Variants in SPATA16 observed in about 807,000 individuals in gnomAD.
SPATA16 encodes the protein spermatogenesis associated 16.
A neutral mutation model predicts 63.3 loss-of-function variants in SPATA16; 36 were observed. The ratio of observed to expected loss-of-function variants is 0.57; its 90% CI spans 0.44 to 0.75. SPATA16 has a LOEUF of 0.75. SPATA16 is among the 30% of genes least tolerant of loss of function. The probability of loss-of-function intolerance (pLI) is 0.00; values close to 1 mark genes in which losing one functional copy is unlikely to be tolerated. For synonymous variants in SPATA16, 203 were observed against 216.7 expected (o/e 0.94, Z 0.56); for missense variants, 646 against 679.3 (o/e 0.95, Z 0.54).
intron 1 of SPATA16, among the ~76,000 whole-genome samples, chr3:173,126,213 T>G (rs1341868981): frequency 6.6e-6 from 1 of 152,194 alleles, no homozygotes; most frequent in African/African-American, 2.4e-5. Context: ...GAAAAATCAG[T>G]CTTTTTTGGA....
chr3:172,974,379 G>C (rs187317746), intron 5 of SPATA16, among the ~76,000 whole-genome samples: 5 of 152,120 alleles, frequency 3.3e-5, no homozygotes, highest in Admixed American at 2.0e-4. Flanking sequence ...ACAGTCTCTA[G>C]TCTGTGATGT....
intron 10 of SPATA16, among the ~76,000 whole-genome samples, chr3:172,907,394 C>T (rs1732265762): frequency 6.6e-6 from 1 of 152,154 alleles, no homozygotes; most frequent in African/African-American, 2.4e-5. Flanking sequence ...TAACTCATTT[C>T]CCTACTTCTA....
chr3:173,024,914 T>C (rs914483549), intron 3 of SPATA16, among the ~76,000 whole-genome samples: 2 of 150,796 alleles, frequency 1.3e-5, no homozygotes, highest in South Asian at 4.2e-4. Flanking sequence ...TTACAATAAT[T>C]TTAGCTTTGA....
In SPATA16 at chr3:172,925,261, G is replaced by A. The variant is rs1732701612; in HGVS notation, c.1228+85C>T. The A allele has an allele frequency of 2.0e-6, 3 of 1,464,378 alleles. No individual in the cohort carries two copies. The South Asian group carries it at 3.5e-5, about 17-fold the overall frequency. The allele number at this position is 1,464,378 out of a possible 1,614,324, so 90.7% of individuals were successfully genotyped here. A position where few individuals can be genotyped will look rare whatever the true frequency, so the allele number is the denominator to read the frequency against. ...TAACCCACAAAGAAGATTAGAAGGA[G>A]TTAATTTTAACTCAAACATTTTTTG... On this transcript the variant is annotated intron_variant, in intron 7 of 10. Coordinates refer to ENST00000351008, the MANE Select transcript of SPATA16 (RefSeq NM_031955.6).
In SPATA16 at chr3:172,916,439, A is replaced by G; in HGVS notation, c.1381T>C (p.Tyr461His). ...TGCAGCTGGCTGAGGAGGCTGGCATATTGCAACTTCTCCATCACACCTGAG... is the reference window on the plus strand; with the variant it reads ...TGCAGCTGGCTGAGGAGGCTGGCATGTTGCAACTTCTCCATCACACCTGAG... ...ASSGVMEKLQ[Y>H]ASLLSQLQRV... Residue 461 changes from tyrosine to histidine, a missense_variant, in exon 9 of 11, where the codon TAT becomes CAT. Transcript: ENST00000351008. The G allele has an allele frequency of 1.2e-6, 2 of 1,613,840 alleles. No homozygotes were observed. The highest frequency in any genetic ancestry group is 1.7e-6 in the Non-Finnish European group (2 of 1,179,804).
rs113022496 is a variant in SPATA16, at chr3:173,120,132, G to A, written c.-18-2383C>T. 2.7e-3 allele frequency among the ~76,000 whole-genome samples: 412 copies of A among 152,028 alleles called. 1 individual carries two copies. Among genetic ancestry groups the A allele is most frequent in the African/African-American group, 9.5e-3 (395 of 41,484 alleles). On this transcript the variant is annotated intron_variant, in intron 1 of 10. Coordinates refer to ENST00000351008, the MANE Select transcript of SPATA16 (RefSeq NM_031955.6). ...AGAAAAAAAGAAAGAAACATTGCTGGCATCCAACATCTTTTGGACTGCTAA... is the reference window on the plus strand; with the variant it reads ...AGAAAAAAAGAAAGAAACATTGCTGACATCCAACATCTTTTGGACTGCTAA...
chr3:172,894,460 G>T (rs74282651), intron 10 of SPATA16, among the ~76,000 whole-genome samples: 14,478 of 146,624 alleles, frequency 0.099, 793 homozygotes, highest in African/African-American at 0.15. Flanking sequence ...AAAAATCTGG[G>T]GTACCTACCC....
chr3:173,013,936 G>A (rs1265019627), intron 4 of SPATA16, among the ~76,000 whole-genome samples: 4 of 152,186 alleles, frequency 2.6e-5, no homozygotes, highest in African/African-American at 9.7e-5. Context: ...CTGGGTCTGG[G>A]CTGTGCCTGT....
chr3:173,061,020 A>G (rs1307752073), intron 2 of SPATA16, among the ~76,000 whole-genome samples: 1 of 152,206 alleles, frequency 6.6e-6, no homozygotes, highest in East Asian at 1.9e-4. Flanking sequence ...GCAACTCACC[A>G]CAGTGCTGTT....
chr3:172,932,954 A>G (rs892234142), intron 6 of SPATA16, among the ~76,000 whole-genome samples: 2 of 152,242 alleles, frequency 1.3e-5, no homozygotes, highest in South Asian at 4.2e-4. Context: ...CTTGCAACCC[A>G]CATAAAAACT....
intron 3 of SPATA16, among the ~76,000 whole-genome samples, chr3:173,047,667 GA>G (rs1229866538): frequency 6.6e-6 from 1 of 151,952 alleles, no homozygotes; most frequent in Non-Finnish European, 1.5e-5. Flanking sequence ...TTGACATACT[GA>G]AATACACATT....
At chr3:173,084,826 G>T (rs1737007767) in intron 2 of SPATA16, among the ~76,000 whole-genome samples, 1 of 152,002 alleles carries the variant, frequency 6.6e-6, no homozygotes, top group African/African-American at 2.4e-5. Flanking sequence ...ATCAGATGTT[G>T]TACATATGTG....
intron 4 of SPATA16, among the ~76,000 whole-genome samples, chr3:172,990,923 G>A (rs1156849020): frequency 6.6e-6 from 1 of 152,056 alleles, no homozygotes. Flanking sequence ...TGCTTGACTA[G>A]CAATAAAAAT....
chr3:172,976,307 T>A (rs1187848580), intron 5 of SPATA16, among the ~76,000 whole-genome samples: 1 of 152,034 alleles, frequency 6.6e-6, no homozygotes, highest in Non-Finnish European at 1.5e-5. Context: ...GAGCTCTTCA[T>A]TTTGGATATA....
chr3:173,047,121 A>G (rs1453005373), intron 3 of SPATA16, among the ~76,000 whole-genome samples: 1 of 151,844 alleles, frequency 6.6e-6, no homozygotes, highest in East Asian at 1.9e-4. Flanking sequence ...ACTGAAGCTG[A>G]TCTTTGCATT....
At chr3:172,973,456 A>G (rs1167103376) in intron 5 of SPATA16, among the ~76,000 whole-genome samples, 4 of 152,166 alleles carry the variant, frequency 2.6e-5, no homozygotes, top group South Asian at 2.1e-4. Flanking sequence ...CTGTGATACA[A>G]TTAGCTGTTA....
At chr3:173,013,090 A>G (rs1044703497) in intron 4 of SPATA16, among the ~76,000 whole-genome samples, 17 of 152,332 alleles carry the variant, frequency 1.1e-4, no homozygotes, top group South Asian at 6.2e-4. Context: ...ATAAAAAACC[A>G]TTAAAAATTA....
chr3:172,964,199 G>C (rs1298210951), intron 5 of SPATA16, among the ~76,000 whole-genome samples: 1 of 152,216 alleles, frequency 6.6e-6, no homozygotes, highest in East Asian at 1.9e-4. Context: ...TGGCATGCCA[G>C]TGTTGAAAAG....
At chr3:173,084,805 G>A (rs1421911076) in intron 2 of SPATA16, among the ~76,000 whole-genome samples, 1 of 152,034 alleles carries the variant, frequency 6.6e-6, no homozygotes, top group Non-Finnish European at 1.5e-5. Flanking sequence ...TTTTTGTCAG[G>A]TTTGTTGAAG....
Sources: allele counts gnomAD v4.1 joint callset (sites outside exome capture counted in the v4.1 genomes callset), GRCh38; gene constraint gnomAD v4.1.1; transcripts MANE v1.5; gene names NCBI Gene and HGNC (gene_info 2026-07-23, HGNC 2026-07-21).